PC: variants seen among roughly 807,000 people sequenced by gnomAD.
PC encodes the protein pyruvate carboxylase.
In PC, 46 loss-of-function variants were observed where a neutral mutation model predicts 107.8. The ratio of observed to expected loss-of-function variants is 0.43; its 90% CI spans 0.34 to 0.55. PC has a LOEUF of 0.55. Ranked by LOEUF, PC falls within the 20% of genes least tolerant of loss-of-function variation. PC has a pLI of 0.04. For missense variants in PC, 1,241 were observed against 1,643.1 expected (o/e 0.76, Z 4.23); for synonymous variants, 662 against 684.7 (o/e 0.97, Z 0.52).
chr11:66,897,116 T>C (rs1211792853), intron 3 of PC, among the ~76,000 whole-genome samples: 2 of 152,056 alleles, frequency 1.3e-5, no homozygotes, highest in African/African-American at 4.8e-5. Flanking sequence ...GTATTTTTAG[T>C]AGAGATGGGG....
intron 3 of PC, among the ~76,000 whole-genome samples, chr11:66,949,931 C>T (rs558972860): frequency 7.2e-5 from 11 of 152,242 alleles, no homozygotes; most frequent in African/African-American, 2.2e-4. Flanking sequence ...CTCAGACATG[C>T]CACGCACCAG....
chr11:66,926,905 T>C (rs1434100587), intron 3 of PC, among the ~76,000 whole-genome samples: 1 of 152,068 alleles, frequency 6.6e-6, no homozygotes, highest in Non-Finnish European at 1.5e-5. Context: ...TTTTTATGGC[T>C]GAACAACATT....
At chr11:66,860,540 G>A (rs368863018) in intron 12 of PC, 121 of 702,048 alleles carry the variant, frequency 1.7e-4, no homozygotes, top group African/African-American at 1.6e-3. Flanking sequence ...CGGGCCGCTG[G>A]TGGCACACGG....
At chr11:66,872,225 G>A in intron 3 of PC, 66 bp from the exon 4 acceptor site, 2 of 1,534,464 alleles carry the variant, frequency 1.3e-6, no homozygotes, top group South Asian at 1.2e-5. Context: ...GAATGAGTGA[G>A]GGCCCTTCCC....
chr11:66,949,154 C>A (rs972539100), intron 3 of PC, among the ~76,000 whole-genome samples: 1 of 150,836 alleles, frequency 6.6e-6, no homozygotes, highest in Non-Finnish European at 1.5e-5. Context: ...CCACCACACC[C>A]AGCTAATTTT....
At chr11:66,853,422 G>A in intron 12 of PC, 39 bp from the exon 13 acceptor site, 1 of 1,611,764 alleles carries the variant, frequency 6.2e-7, no homozygotes, top group East Asian at 2.2e-5. Context: ...TCACCATGCA[G>A]CACAGACAGG....
intron 3 of PC, among the ~76,000 whole-genome samples, chr11:66,949,095 C>G (rs1472726074): frequency 6.6e-6 from 1 of 151,216 alleles, no homozygotes; most frequent in African/African-American, 2.4e-5. Flanking sequence ...CGGGTTCAAG[C>G]GATTCTCCTG....
intron 3 of PC, among the ~76,000 whole-genome samples, chr11:66,924,973 G>A (rs1261510990): frequency 1.3e-5 from 2 of 152,118 alleles, no homozygotes; most frequent in Non-Finnish European, 2.9e-5. Flanking sequence ...ATCACATGTT[G>A]GCAGGTTCCG....
chr11:66,907,772 C>G (rs1019841929), intron 3 of PC: 11 of 152,434 alleles, frequency 7.2e-5, no homozygotes, highest in African/African-American at 2.4e-4. Flanking sequence ...TGTGGGCACC[C>G]CTACCCAGGA....
In PC at chr11:66,858,968, C is replaced by A; in HGVS notation, c.1368+4806G>T. ...AGGGGACGCTGGAGTCTGAGCCAGCCGTGCAGGTGACGGAGGTGACCGCCA... is the reference window on the plus strand; with the variant it reads ...AGGGGACGCTGGAGTCTGAGCCAGCAGTGCAGGTGACGGAGGTGACCGCCA... On this transcript the variant is annotated intron_variant, in intron 12 of 22. Coordinates refer to ENST00000393960, the MANE Select transcript of PC (RefSeq NM_001040716.2). The surrounding 1 kb of genome is among the most constrained non-coding windows in gnomAD (Gnocchi z 5.9). 1.3e-6 allele frequency: 2 copies of A among 1,573,090 alleles called. No individual in the cohort carries two copies. The highest frequency in any genetic ancestry group is 8.6e-7 in the Non-Finnish European group (1 of 1,156,188).
chr11:66,958,194 C>T (rs1451892639), intron 1 of PC, 128 bp downstream of exon 1: 1 of 152,056 alleles, frequency 6.6e-6, no homozygotes, highest in Non-Finnish European at 1.5e-5. Flanking sequence ...AGCCGTCACT[C>T]GCGGAGCCCG....
intron 12 of PC, among the ~76,000 whole-genome samples, chr11:66,853,604 T>C (rs969205066): frequency 6.6e-6 from 1 of 152,194 alleles, no homozygotes; most frequent in African/African-American, 2.4e-5. Context: ...CATACTTGTT[T>C]ACACCAAAGC....
intron 3 of PC, among the ~76,000 whole-genome samples, chr11:66,942,399 C>CAAAAAAAAAAAAA (rs577741732): frequency 4.6e-5 from 4 of 87,002 alleles, no homozygotes; most frequent in African/African-American, 1.7e-4. Context: ...GACTCCATCT[C>CAAAAAAAAAAAAA]AAAAAAAAAA....
Position 66,870,809 on chromosome 11 carries a change from G to A in PC, c.717C>T (p.Ile239=), listed in dbSNP as rs568909850. 22 of 1,613,534 alleles carry A rather than the reference G, an allele frequency of 1.4e-5. No homozygotes were observed. In the South Asian group the frequency reaches 1.6e-4, roughly 12 times the overall value. Residue 239 remains isoleucine, a synonymous_variant, in exon 8 of 23, where the codon ATC becomes ATT. Transcript: ENST00000393960. The surrounding 1 kb of genome is among the most constrained non-coding windows in gnomAD (Gnocchi z 6.1). ...GCACCTCGATGTGCCGTGGCTTCTC[G>A]ATGAACTTCTCCACAAACAGCGCCC... ...GNGALFVEKF[I]EKPRHIEVQI... is the part of the protein sequence containing the mutation.
At chr11:66,882,328 C>T (rs567624709) in intron 3 of PC, among the ~76,000 whole-genome samples, 6 of 152,348 alleles carry the variant, frequency 3.9e-5, no homozygotes, top group East Asian at 1.9e-4. Flanking sequence ...GGCCCCACAT[C>T]GCTTCGTCCT....
rs757465612 is a variant in PC at position 66,850,189 on chromosome 11, G to A, written c.2718+31C>T. ...CCAGTGGCAGGTGCATGCAGGGCTG[G>A]GTCAGGTAAGGAGCACCGGGCCGGG... On this transcript the variant is annotated intron_variant, in intron 19 of 22. Coordinates refer to ENST00000393960, the MANE Select transcript of PC (RefSeq NM_001040716.2). 17 of 1,613,762 alleles carry A rather than the reference G, an allele frequency of 1.1e-5. 1 individual carries two copies. In the South Asian group the frequency reaches 1.9e-4, roughly 18 times the overall value.
intron 1 of PC, chr11:66,957,842 A>T (rs1591329638): frequency 6.6e-6 from 1 of 152,246 alleles, no homozygotes; most frequent in Non-Finnish European, 1.5e-5. Context: ...GTGCGAGAGC[A>T]AGGAACAAGG....
intron 12 of PC, among the ~76,000 whole-genome samples, chr11:66,855,082 C>T (rs1945723324): frequency 6.6e-6 from 1 of 152,260 alleles, no homozygotes; most frequent in Non-Finnish European, 1.5e-5. Flanking sequence ...CAGACCCACA[C>T]TGTTGCTGGG....
intron 3 of PC, among the ~76,000 whole-genome samples, chr11:66,887,962 C>T (rs1035782207): frequency 2.0e-5 from 3 of 152,352 alleles, no homozygotes; most frequent in South Asian, 2.1e-4. Context: ...CTCCTTTGCT[C>T]GTGGCCACAT....
Sources: allele counts gnomAD v4.1 joint callset (sites outside exome capture counted in the v4.1 genomes callset), GRCh38; gene constraint gnomAD v4.1.1; non-coding constraint Gnocchi (gnomAD v3.1); transcripts MANE v1.5; gene names NCBI Gene and HGNC (gene_info 2026-07-23, HGNC 2026-07-21).